The following STK3 variants were observed in gnomAD, a reference collection of about 807,000 sequenced individuals.
STK3 encodes serine/threonine kinase 3.
Under a neutral mutation model 58.0 loss-of-function variants are expected in STK3, and 41 were observed. The observed-to-expected ratio is 0.71, with a 90% confidence interval of 0.55 to 0.92. The LOEUF is 0.92. Ranked by LOEUF, STK3 falls within the 40% of genes least tolerant of loss-of-function variation. STK3 has a pLI of 0.00. For synonymous variants in STK3, 170 were observed against 191.0 expected, an observed-to-expected ratio of 0.89 and a Z score of 0.91; for missense variants, 479 against 602.7, an observed-to-expected ratio of 0.79 and a Z score of 2.15.
intron 1 of STK3, among the ~76,000 whole-genome samples, chr8:98,813,696 T>C (rs936874140): frequency 2.0e-5 from 3 of 152,218 alleles, no homozygotes; most frequent in Admixed American, 6.5e-5. Context: ...GAAAGTGATA[T>C]GATTTCTTTA....
chr8:98,611,100 G>C (rs1055352891), intron 6 of STK3, among the ~76,000 whole-genome samples: 2 of 151,972 alleles, frequency 1.3e-5, no homozygotes, highest in Non-Finnish European at 2.9e-5. Context: ...AACAAGCAGA[G>C]GTCAGCACAG....
At chr8:98,482,419 G>A (rs767501218) in intron 10 of STK3, among the ~76,000 whole-genome samples, 8 of 152,196 alleles carry the variant, frequency 5.3e-5, no homozygotes, top group South Asian at 4.1e-4. Flanking sequence ...AATAAACTAC[G>A]TAAAGATAAA....
intron 10 of STK3, among the ~76,000 whole-genome samples, chr8:98,507,979 G>A (rs1824221482): frequency 6.6e-6 from 1 of 152,050 alleles, no homozygotes; most frequent in Non-Finnish European, 1.5e-5. Flanking sequence ...TCTCTCCAAA[G>A]TACTTATCGT....
rs188678588 is a variant in STK3, at chr8:98,895,879, T to C, written c.-78-12045A>G. Among the ~76,000 whole-genome samples, 37 of 152,344 alleles carry C rather than the reference T, an allele frequency of 2.4e-4. No homozygotes were observed. In the East Asian group the frequency reaches 6.2e-3, roughly 25 times the overall value. ...CCTAATGGTTACATCTGATTTTTGT[T>C]TATTTGTTTAGGGAACAAATATTTA... On this transcript the variant is annotated intron_variant, in intron 1 of 1. Coordinates refer to the STK3 transcript ENST00000519420.
chr8:98,744,277 C>A (rs974826898), intron 4 of STK3, among the ~76,000 whole-genome samples: 1 of 152,094 alleles, frequency 6.6e-6, no homozygotes, highest in African/African-American at 2.4e-5. Flanking sequence ...AAGACACATG[C>A]ACACGTATCT....
chr8:98,825,860 C>CCCGCCCCGCCCCCGGCCGCG (rs1417497061), upstream of STK3, among the ~76,000 whole-genome samples: 22 of 72,108 alleles, frequency 3.1e-4, 2 homozygotes, highest in African/African-American at 8.9e-4. Context: ...CCCCGGCCGC[C>CCCGCCCCGCCCCCGGCCGCG]CCGCCCCGCC....
At chr8:98,884,990 C>G (rs762335731) in intron 1 of STK3, among the ~76,000 whole-genome samples, 13 of 152,158 alleles carry the variant, frequency 8.5e-5, no homozygotes, top group Non-Finnish European at 1.6e-4. Flanking sequence ...CCAGGTTCCC[C>G]GTGTGGTTGG....
Position 98,483,644 on chromosome 8 carries a change from G to A in STK3, c.1318-27644C>T, listed in dbSNP as rs1210118755. Among the ~76,000 whole-genome samples the A allele has an allele frequency of 7.9e-5, 12 of 152,274 alleles. No homozygotes were observed. In the East Asian group the frequency reaches 1.9e-3, roughly 24 times the overall value. ...ACAATCTGTCTGGCAGTTGGACCAT[G>A]TGAAAAAATTTTAAAAAGACCTTAA... On this transcript the variant is annotated intron_variant, in intron 10 of 10. Coordinates refer to ENST00000419617, the MANE Select transcript of STK3 (RefSeq NM_006281.4).
Position 98,696,308 on chromosome 8 carries a change from A to G in STK3, c.684+10159T>C, listed in dbSNP as rs554029530. Among the ~76,000 whole-genome samples, 21 of 152,098 alleles carry G rather than the reference A, an allele frequency of 1.4e-4. No individual in the cohort carries two copies. The East Asian group carries it at 3.9e-3, about 28-fold the overall frequency. Reference sequence around the variant, plus strand: ...ACAATCATGTCATCTGCAAACAGGGACAATTTGACTTCCTCTTTTCCTAAT... The same window carrying G: ...ACAATCATGTCATCTGCAAACAGGGGCAATTTGACTTCCTCTTTTCCTAAT... On this transcript the variant is annotated intron_variant, in intron 6 of 10. Coordinates refer to ENST00000419617, the MANE Select transcript of STK3 (RefSeq NM_006281.4).
chr8:98,416,063 A>G (rs909002425), intron 3 of STK3, among the ~76,000 whole-genome samples: 1 of 152,196 alleles, frequency 6.6e-6, no homozygotes, highest in Admixed American at 6.5e-5. Flanking sequence ...CAGCAGAGGG[A>G]GAAAACACTG....
chr8:98,412,922 A>C (rs558726309), intron 3 of STK3: 2 of 263,098 alleles, frequency 7.6e-6, no homozygotes, highest in East Asian at 1.4e-4. Flanking sequence ...ACTTTCTTCT[A>C]TAATTTTTCA....
At chr8:98,448,935 A>C (rs1819074109) in intron 1 of STK3, among the ~76,000 whole-genome samples, 1 of 152,116 alleles carries the variant, frequency 6.6e-6, no homozygotes, top group Non-Finnish European at 1.5e-5. Context: ...ATGGAAAAAT[A>C]CAGAGAGGTA....
At chr8:98,774,963 C>T in intron 1 of STK3, 144 bp from the exon 2 acceptor site, 1 of 514,928 alleles carries the variant, frequency 1.9e-6, no homozygotes, top group Non-Finnish European at 3.3e-6. Context: ...ACATAGTAAA[C>T]ATTCTCCTTT....
At chr8:98,434,961 G>A (rs1818433665) in intron 2 of STK3, among the ~76,000 whole-genome samples, 1 of 152,216 alleles carries the variant, frequency 6.6e-6, no homozygotes, top group Non-Finnish European at 1.5e-5. Context: ...TTAACCTAGT[G>A]TGCTCCTAGC....
chr8:98,690,801 T>C (rs1236089004), intron 6 of STK3, among the ~76,000 whole-genome samples: 1 of 151,966 alleles, frequency 6.6e-6, no homozygotes, highest in African/African-American at 2.4e-5. Flanking sequence ...CAAACTATAC[T>C]ACATGGTACT....
intron 10 of STK3, among the ~76,000 whole-genome samples, chr8:98,508,803 G>A (rs1824280442): frequency 6.6e-6 from 1 of 152,030 alleles, no homozygotes; most frequent in Non-Finnish European, 1.5e-5. Flanking sequence ...CAATTTGACA[G>A]TAATTAATTA....
At chr8:98,790,676 A>T (rs1289821382) in intron 1 of STK3, among the ~76,000 whole-genome samples, 1 of 152,148 alleles carries the variant, frequency 6.6e-6, no homozygotes, top group Non-Finnish European at 1.5e-5. Context: ...GACCACTTAG[A>T]CAAGAGAAAG....
intron 6 of STK3, among the ~76,000 whole-genome samples, chr8:98,700,190 T>C (rs540262472): frequency 1.3e-5 from 2 of 152,310 alleles, no homozygotes; most frequent in South Asian, 4.1e-4. Context: ...TATAATCTCC[T>C]GGTGAGCCGT....
chr8:98,491,226 TC>T (rs1822674982), intron 10 of STK3, among the ~76,000 whole-genome samples: 1 of 151,940 alleles, frequency 6.6e-6, no homozygotes, highest in Non-Finnish European at 1.5e-5. Context: ...AAGTACTCTT[TC>T]TGTTTTTATT....
Sources: gnomAD v4.1 joint callset for allele counts (sites outside exome capture counted in the v4.1 genomes callset) on GRCh38, gnomAD v4.1.1 for gene constraint, MANE v1.5 for transcripts, NCBI Gene and HGNC (gene_info 2026-07-23, HGNC 2026-07-21) for gene names.